ADGRL1: variants seen among roughly 807,000 people sequenced by gnomAD.
The protein encoded by ADGRL1 is adhesion G protein-coupled receptor L1, also known as CIRL-1.
Under a neutral mutation model 148.9 loss-of-function variants are expected in ADGRL1, and 31 were observed. That is an observed-to-expected ratio of 0.21 (90% CI 0.16 to 0.28). ADGRL1 has a LOEUF of 0.28. Among genes scored for constraint, ADGRL1 ranks in the 10% least tolerant of loss-of-function variants. The pLI, the probability that ADGRL1 is intolerant of heterozygous loss-of-function variation, is 1.00. For synonymous variants in ADGRL1, 937 were observed against 900.3 expected (o/e 1.04, Z -0.73); for missense variants, 1,521 against 2,058.8 (o/e 0.74, Z 5.05).
chr19:14,156,694 G>A lies in ADGRL1; in HGVS notation c.2997C>T (p.Ile999=). 1 of 1,611,872 alleles carries A rather than the reference G, an allele frequency of 6.2e-7. No individual in the cohort carries two copies. The highest frequency in any genetic ancestry group is 8.5e-7 in the Non-Finnish European group (1 of 1,179,130). The part of the protein sequence containing the change: ...ACWLRVDNYF[I]WSFIGPVSFV... Reference sequence around the variant, plus strand: ...AGGAGACTGGCCCGATGAAACTCCAGATGAAGTAATTGTCCACTCGGAGCC... The same window carrying A: ...AGGAGACTGGCCCGATGAAACTCCAAATGAAGTAATTGTCCACTCGGAGCC... Residue 999 remains isoleucine, a synonymous_variant, in exon 16 of 23, where the codon ATC becomes ATT. Transcript: ENST00000361434.
intron 4 of ADGRL1, 91 bp from the exon 5 acceptor site, chr19:14,163,497 A>AGGGAGAGAGAGAGAGAGAGAGG: frequency 1.4e-6 from 1 of 720,050 alleles, no homozygotes; most frequent in African/African-American, 2.2e-5. Flanking sequence ...AGAGAGAGAG[A>AGGGAGAGAGAGAGAGAGAGAGG]GGGGGGAGAG....
chr19:14,148,307 C>T lies in ADGRL1; in HGVS notation c.*2566G>A, dbSNP rs1967798437. ...ACACAGCTCTGAGGCCTGGAAGCCACCCGGCGATGCCGGCTGGAACAGGAC... is the reference window on the plus strand; with the variant it reads ...ACACAGCTCTGAGGCCTGGAAGCCATCCGGCGATGCCGGCTGGAACAGGAC... On this transcript the variant is annotated 3_prime_UTR_variant, in exon 23 of 23. Coordinates refer to ENST00000361434, the MANE Select transcript of ADGRL1 (RefSeq NM_014921.5). 1 of 152,506 alleles carries T rather than the reference C, an allele frequency of 6.6e-6. No individual in the cohort carries two copies. The highest frequency in any genetic ancestry group is 1.5e-5 in the Non-Finnish European group (1 of 68,154). The allele number at this position is 152,506 out of a possible 1,614,324, so 9.4% of individuals were successfully genotyped here.
Position 14,157,103 on chromosome 19 carries a change from G to A in ADGRL1, c.2788C>T (p.Leu930=), listed in dbSNP as rs1239902149. 2 of 1,614,132 alleles carry A rather than the reference G, an allele frequency of 1.2e-6. No individual in the cohort carries two copies. Among genetic ancestry groups the A allele is most frequent in the Non-Finnish European group, 1.7e-6 (2 of 1,180,020 alleles). Residue 930 remains leucine, a synonymous_variant, in exon 15 of 23, where the codon CTG becomes TTG. Transcript: ENST00000361434. The surrounding 1 kb of genome is among the most constrained non-coding windows in gnomAD (Gnocchi z 7.5). The stretch of plus-strand genomic sequence containing the variant: ...AGGCACAGCCAGGAGAAGGCAGCCA[G>A]GAAGAAATAGTGCAGCAGGCCGGCG... ...IFAGLLHYFF[L]AAFSWLCLEG...
chr19:14,203,567 AAC>A (rs972836636), intron 1 of ADGRL1, among the ~76,000 whole-genome samples: 1 of 152,064 alleles, frequency 6.6e-6, no homozygotes, highest in African/African-American at 2.4e-5. Flanking sequence ...GCTGGATGCA[AAC>A]ACACTCCCGT....
intron 3 of ADGRL1, chr19:14,171,040 T>C (rs1970429076): frequency 2.3e-6 from 1 of 441,088 alleles, no homozygotes; most frequent in African/African-American, 2.0e-5. Context: ...TAATGAATGG[T>C]TTATCACCAT....
Position 14,152,161 on chromosome 19 carries a change from C to T in ADGRL1, c.3650-11G>A, listed in dbSNP as rs755688528. 19 of 1,614,106 alleles carry T rather than the reference C, an allele frequency of 1.2e-5. No homozygotes were observed. Among genetic ancestry groups the T allele is most frequent in the Non-Finnish European group, 1.6e-5 (19 of 1,180,008 alleles). The stretch of plus-strand genomic sequence containing the variant: ...GTTCCCGGTAGCTCCCTGCAGGTGG[C>T]AGCCAGAAGAGAGAAGAGAAAAGGC... On this transcript the variant is annotated splice_polypyrimidine_tract_variant and intron_variant, in intron 21 of 22. Transcript: ENST00000361434. The surrounding 1 kb of genome is among the most constrained non-coding windows in gnomAD (Gnocchi z 6.1).
intron 4 of ADGRL1, among the ~76,000 whole-genome samples, chr19:14,165,407 G>A (rs1206754675): frequency 6.6e-6 from 1 of 152,118 alleles, no homozygotes; most frequent in Admixed American, 6.5e-5. Flanking sequence ...GGGGACGGTG[G>A]GAGGCCTCAG....
intron 4 of ADGRL1, 137 bp from the exon 5 acceptor site, chr19:14,163,543 T>C (rs780549097): frequency 2.1e-5 from 14 of 680,668 alleles, no homozygotes; most frequent in Non-Finnish European, 3.1e-5. Context: ...GGGAGCCAGG[T>C]TGTCCCCTCC....
chr19:14,163,503 G>GGGA (rs1555785238), intron 4 of ADGRL1, 97 bp from the exon 5 acceptor site: 13 of 810,550 alleles, frequency 1.6e-5, no homozygotes, highest in Non-Finnish European at 2.0e-5. Flanking sequence ...AGAGAGGGGG[G>GGGA]AGAGAGGCAA....
intron 3 of ADGRL1, 21 bp from the exon 4 acceptor site, chr19:14,170,812 A>G (rs1174237727): frequency 2.4e-6 from 2 of 845,588 alleles, no homozygotes; most frequent in Non-Finnish European, 3.9e-6. Context: ...GAAACAGGGC[A>G]TTGGGAAAGA....
intron 1 of ADGRL1, among the ~76,000 whole-genome samples, chr19:14,198,284 G>C (rs946333230): frequency 3.3e-5 from 5 of 152,080 alleles, no homozygotes; most frequent in African/African-American, 1.2e-4. Flanking sequence ...GATCTGGCTC[G>C]GGTGTTCACA....
In ADGRL1 at chr19:14,151,234, T is replaced by C. The variant is rs1311610133; in HGVS notation, c.4049A>G (p.Gln1350Arg). ...GCTCTCCGACTCGTCCAGATCGCTC[T>C]GGTACAGCACCGACTGGGCCCGGGG... is the stretch of plus-strand genomic sequence containing the variant. ...LLPRAQSVLY[Q>R]SDLDESESCT... is the part of the protein sequence containing the mutation. Residue 1350 changes from glutamine (Q) to arginine (R), a missense_variant, in exon 23 of 23, where the codon CAG (glutamine) becomes CGG (arginine). Physicochemically the swap from Gln to Arg is conservative, Grantham distance 43 (BLOSUM62 1). Around this residue, in one of 8 missense-constraint regions of ADGRL1, gnomAD observed 390 missense variants for 375.0 expected, o/e 1.04. Coordinates refer to ENST00000361434, the MANE Select transcript of ADGRL1 (RefSeq NM_014921.5). 4 of 1,612,072 alleles carry C rather than the reference T, an allele frequency of 2.5e-6. No individual in the cohort carries two copies. The highest frequency in any genetic ancestry group is 8.5e-7 in the Non-Finnish European group (1 of 1,179,714).
chr19:14,155,761 A>G lies in ADGRL1; in HGVS notation c.3126-234T>C. The G allele has an allele frequency of 1.7e-6, 1 of 581,650 alleles. No individual in the cohort carries two copies. The highest frequency in any genetic ancestry group is 3.1e-5 in the Admixed American group (1 of 32,626). 36.0% of individuals were successfully genotyped at this position (581,650 alleles called of 1,614,324 possible). Reference sequence around the variant, plus strand: ...GGTCGGGGTATTGTGAACATCAGTTATTCCTCTGCCAACTTCATTGTTTCT... The same window carrying G: ...GGTCGGGGTATTGTGAACATCAGTTGTTCCTCTGCCAACTTCATTGTTTCT... On this transcript the variant is annotated intron_variant, in intron 17 of 22. Transcript: ENST00000361434. This position sits in a 1 kb window ranked among gnomAD's most constrained non-coding sequence, Gnocchi z 5.0.
intron 1 of ADGRL1, among the ~76,000 whole-genome samples, chr19:14,185,834 G>C (rs949317814): frequency 1.3e-5 from 2 of 152,142 alleles, no homozygotes; most frequent in Non-Finnish European, 2.9e-5. Context: ...CCCCATTTCT[G>C]CTCCAGCCAC....
rs1968136906 is a variant in ADGRL1, at chr19:14,151,142, C to T, written c.4141G>A (p.Ala1381Thr). 6.3e-7 allele frequency: 1 copy of T among 1,598,616 alleles called. No individual in the cohort carries two copies. Among genetic ancestry groups the T allele is most frequent in the Non-Finnish European group, 8.5e-7 (1 of 1,174,272 alleles). ...GAGTCCCGCAGGTTGGCCCCGCTGG[C>T]ATAGAGGGAGTCCCGGCCAGGAGGG... ...SSPPGRDSLY[A>T]SGANLRDSPS... Residue 1381 changes from alanine (A) to threonine (T), a missense_variant, in exon 23 of 23, where the codon GCC becomes ACC. Physicochemically the swap from Ala to Thr is moderately conservative, Grantham distance 58. Coordinates refer to ENST00000361434, the MANE Select transcript of ADGRL1 (RefSeq NM_014921.5).
chr19:14,159,299 C>A lies in ADGRL1; in HGVS notation c.2024-84G>T. The A allele has an allele frequency of 6.3e-7, 1 of 1,578,738 alleles. No individual in the cohort carries two copies. The highest frequency in any genetic ancestry group is 1.3e-5 in the African/African-American group (1 of 74,314). On this transcript the variant is annotated intron_variant, in intron 10 of 22. Transcript: ENST00000361434. The surrounding 1 kb of genome is among the most constrained non-coding windows in gnomAD (Gnocchi z 6.0). The stretch of plus-strand genomic sequence containing the variant: ...CTCAGGCTGCAGAACGAGACTCTGG[C>A]AAGATGCCCAAGGGTCGGATAGCCC...
chr19:14,187,438 T>C (rs1280818983), intron 1 of ADGRL1, among the ~76,000 whole-genome samples: 1 of 152,052 alleles, frequency 6.6e-6, no homozygotes, highest in Non-Finnish European at 1.5e-5. Flanking sequence ...ACGTGGGAAA[T>C]GGGAAGATAA....
At chr19:14,193,869 T>A (rs1972099683) in intron 1 of ADGRL1, among the ~76,000 whole-genome samples, 1 of 152,232 alleles carries the variant, frequency 6.6e-6, no homozygotes, top group Admixed American at 6.5e-5. Context: ...TGCAACGGAT[T>A]CTGCCTGAAG....
At position 14,170,756 on chromosome 19, in the gene ADGRL1, C is replaced by G. The variant is rs771973078; in HGVS notation, c.320G>C (p.Gly107Ala). Residue 107 changes from glycine to alanine, a missense_variant, in exon 4 of 23, where the codon GGC becomes GCC. Coordinates refer to ENST00000361434, the MANE Select transcript of ADGRL1 (RefSeq NM_014921.5). Reference sequence around the variant, plus strand: ...ACAGGGGTCAGGAAAGGCATCCGAGCCGGCGACCACCACGCACTGGGTGCG... The same window carrying G: ...ACAGGGGTCAGGAAAGGCATCCGAGGCGGCGACCACCACGCACTGGGTGCG... ...NNRTQCVVVAGSDAFPDPCPG... is the reference protein window; with the variant it reads ...NNRTQCVVVAASDAFPDPCPG... 1.2e-6 allele frequency: 2 copies of G among 1,611,886 alleles called. No homozygotes were observed. Among genetic ancestry groups the G allele is most frequent in the Non-Finnish European group, 1.7e-6 (2 of 1,178,650 alleles).
Sources: gnomAD v4.1 joint callset for allele counts (sites outside exome capture counted in the v4.1 genomes callset) on GRCh38, gnomAD v4.1.1 for gene constraint, gnomAD v4.1.1 regional missense constraint, Gnocchi (gnomAD v3.1) non-coding constraint, MANE v1.5 for transcripts, NCBI Gene and HGNC (gene_info 2026-07-23, HGNC 2026-07-21) for gene names.